The following DLG2 variants were observed in gnomAD, a reference collection of about 807,000 sequenced individuals.
The protein encoded by DLG2 is discs large MAGUK scaffold protein 2, also known as disks large homolog 2.
DLG2 carries 45 observed loss-of-function variants against 132.5 expected under a neutral mutation model. The ratio of observed to expected loss-of-function variants is 0.34; its 90% CI spans 0.27 to 0.44. DLG2 has a LOEUF of 0.44. Among genes scored for constraint, DLG2 ranks in the 20% least tolerant of loss-of-function variants. The pLI is 1.00. For missense variants in DLG2, 1,045 were observed against 1,196.9 expected (o/e 0.87, Z 1.87); for synonymous variants, 424 against 419.6 (o/e 1.01, Z -0.13).
intron 5 of DLG2, among the ~76,000 whole-genome samples, chr11:85,132,333 C>T (rs2075779578): frequency 1.3e-5 from 2 of 152,048 alleles, no homozygotes; most frequent in Admixed American, 1.3e-4. Context: ...TGTCAAGTCA[C>T]AGTAAAGCTG....
chr11:84,057,485 G>A (rs989845619), intron 11 of DLG2, among the ~76,000 whole-genome samples: 8 of 151,928 alleles, frequency 5.3e-5, no homozygotes, highest in African/African-American at 1.9e-4. Flanking sequence ...TAAATGTGAG[G>A]GTTGAAAGTC....
At chr11:84,871,855 A>G (rs954466381) in intron 6 of DLG2, among the ~76,000 whole-genome samples, 10 of 152,046 alleles carry the variant, frequency 6.6e-5, no homozygotes, top group African/African-American at 2.2e-4. Context: ...TTGTATTTTT[A>G]GTAGAGACGG....
chr11:83,987,268 C>T (rs7111975), intron 11 of DLG2, among the ~76,000 whole-genome samples: 24,759 of 151,732 alleles, frequency 0.16, 2,670 homozygotes, highest in East Asian at 0.3. Flanking sequence ...ATGGCCATAC[C>T]GCCCAAGGTA....
At chr11:85,356,851 T>C (rs2083741114) in intron 3 of DLG2, among the ~76,000 whole-genome samples, 1 of 151,992 alleles carries the variant, frequency 6.6e-6, no homozygotes, top group African/African-American at 2.4e-5. Flanking sequence ...ACACACACTC[T>C]TTCATTTTGC....
intron 6 of DLG2, among the ~76,000 whole-genome samples, chr11:84,958,018 A>G (rs1017214649): frequency 6.6e-6 from 1 of 152,204 alleles, no homozygotes; most frequent in Admixed American, 6.5e-5. Context: ...TAGATGTCTG[A>G]TGGTGGGATA....
intron 8 of DLG2, among the ~76,000 whole-genome samples, chr11:84,220,785 T>G (rs1184039356): frequency 1.5e-5 from 2 of 135,824 alleles, no homozygotes; most frequent in Non-Finnish European, 3.2e-5. Context: ...CTTTTCTTTT[T>G]TTTTTTTTTT....
intron 7 of DLG2, among the ~76,000 whole-genome samples, chr11:84,458,236 T>G (rs1236698571): frequency 6.6e-6 from 1 of 150,902 alleles, no homozygotes; most frequent in Non-Finnish European, 1.5e-5. Context: ...TGTGATAAAA[T>G]AAGTATACAA....
chr11:83,564,861 T>TC (rs1555197314), intron 19 of DLG2, among the ~76,000 whole-genome samples: 3 of 152,154 alleles, frequency 2.0e-5, no homozygotes, highest in East Asian at 3.9e-4. Context: ...TCTTTTTTTT[T>TC]CTGCACTGAT....
intron 6 of DLG2, among the ~76,000 whole-genome samples, chr11:84,652,633 A>G (rs2099683440): frequency 6.6e-6 from 1 of 152,232 alleles, no homozygotes; most frequent in Non-Finnish European, 1.5e-5. Flanking sequence ...ACATTAGCAT[A>G]TAAAAATAGA....
intron 19 of DLG2, among the ~76,000 whole-genome samples, chr11:83,609,773 C>T (rs549252799): frequency 3.3e-5 from 5 of 152,208 alleles, no homozygotes; most frequent in African/African-American, 1.2e-4. Context: ...AAGTTTGCTC[C>T]TAAACTAGCC....
chr11:85,079,718 C>T (rs916977850), intron 6 of DLG2, among the ~76,000 whole-genome samples: 27 of 152,042 alleles, frequency 1.8e-4, no homozygotes, highest in African/African-American at 6.3e-4. Context: ...GGTGGACAGG[C>T]ATTCATCAAA....
At position 84,712,545 on chromosome 11, in the gene DLG2, A is replaced by G. The variant is rs1014115424; in HGVS notation, c.358-177814T>C. 2.0e-5 allele frequency among the ~76,000 whole-genome samples: 3 copies of G among 152,132 alleles called. No homozygotes were observed. In the East Asian group the frequency reaches 5.8e-4, roughly 30 times the overall value. On this transcript the variant is annotated intron_variant, in intron 6 of 27. Transcript: ENST00000376104. ...TAGAAGCCTTCAACAACGTGTTGGT[A>G]GGTTAAAATACCTCCAATTTACTGA...
At chr11:84,894,874 A>C (rs968126111) in intron 6 of DLG2, among the ~76,000 whole-genome samples, 7 of 146,022 alleles carry the variant, frequency 4.8e-5, no homozygotes, top group Admixed American at 2.0e-4. Context: ...ACCACAGCAC[A>C]CCTGCTGAGA....
intron 2 of DLG2, among the ~76,000 whole-genome samples, chr11:85,604,735 A>G (rs1486613050): frequency 1.3e-5 from 2 of 152,186 alleles, no homozygotes; most frequent in Non-Finnish European, 2.9e-5. Context: ...TGCATGAAAT[A>G]TGCAACCAAG....
intron 3 of DLG2, among the ~76,000 whole-genome samples, chr11:85,507,451 A>G (rs2093960997): frequency 6.6e-6 from 1 of 152,104 alleles, no homozygotes; most frequent in Non-Finnish European, 1.5e-5. Flanking sequence ...AAAGGATTTT[A>G]TTTCTCCTTC....
At chr11:84,587,798 C>T (rs531326429) in intron 6 of DLG2, among the ~76,000 whole-genome samples, 8 of 152,114 alleles carry the variant, frequency 5.3e-5, no homozygotes, top group Non-Finnish European at 8.8e-5. Flanking sequence ...ATTATGCAGT[C>T]CATGCTATTT....
At chr11:85,492,736 C>A (rs1017884677) in intron 3 of DLG2, among the ~76,000 whole-genome samples, 1 of 145,704 alleles carries the variant, frequency 6.9e-6, no homozygotes, top group Non-Finnish European at 1.5e-5. Flanking sequence ...TTACATGGCA[C>A]ACTAAAATTC....
chr11:84,577,898 TG>T (rs2099506243), intron 6 of DLG2, among the ~76,000 whole-genome samples: 1 of 152,226 alleles, frequency 6.6e-6, no homozygotes, highest in East Asian at 1.9e-4. Context: ...AAAAGTGGTT[TG>T]GGGGCCAGGC....
intron 3 of DLG2, among the ~76,000 whole-genome samples, chr11:85,318,463 C>T (rs993655891): frequency 6.6e-5 from 10 of 151,800 alleles, no homozygotes; most frequent in African/African-American, 1.4e-4. Flanking sequence ...GTACACTCTA[C>T]GTTTTGAGGA....
Sources: gnomAD v4.1 joint callset for allele counts (sites outside exome capture counted in the v4.1 genomes callset) on GRCh38, gnomAD v4.1.1 for gene constraint, MANE v1.5 for transcripts, NCBI Gene and HGNC (gene_info 2026-07-23, HGNC 2026-07-21) for gene names.